Variants in SEC11C observed in about 807,000 individuals in gnomAD.
SEC11C encodes the protein SEC11 homolog C, signal peptidase complex subunit.
SEC11C carries 10 observed loss-of-function variants against 21.9 expected under a neutral mutation model. The ratio of observed to expected loss-of-function variants is 0.46; its 90% CI spans 0.28 to 0.77. The LOEUF is 0.77. SEC11C is among the 30% of genes least tolerant of loss of function. SEC11C has a pLI of 0.12. For missense variants in SEC11C, 145 were observed against 244.5 expected (o/e 0.59, Z 2.71); for synonymous variants, 83 against 85.6 (o/e 0.97, Z 0.17).
At chr18:59,152,864 T>C in intron 3 of SEC11C, 179 bp downstream of exon 3, 1 of 492,304 alleles carries the variant, frequency 2.0e-6, no homozygotes, top group East Asian at 3.2e-5. Flanking sequence ...GTTAAACCCA[T>C]AGTAACTCAC....
In SEC11C at chr18:59,158,777, A is replaced by G; in HGVS notation, c.*92A>G. 4 of 1,103,216 alleles carry G rather than the reference A, an allele frequency of 3.6e-6. No homozygotes were observed. In the South Asian group the frequency reaches 3.9e-5, roughly 11 times the overall value. 68.3% of individuals were successfully genotyped at this position (1,103,216 alleles called of 1,614,324 possible). ...TTGAGATGTTCCATTTTCTGTATAA[A>G]AGGGAACAGTGTGGAGATGTTTTTG... On this transcript the variant is annotated 3_prime_UTR_variant, in exon 6 of 6. Transcript: ENST00000587834.
At position 59,139,952 on chromosome 18, in the gene SEC11C, G is replaced by T. The variant is rs2069189309; in HGVS notation, c.4G>T (p.Val2Leu). Residue 2 changes from valine (V) to leucine (L), a missense_variant, in exon 1 of 6, where the codon GTG (valine) becomes TTG (leucine). Physicochemically the swap from Val to Leu is conservative, Grantham distance 32. Transcript: ENST00000587834. ...CTAGGTCCCCGGAGACCCTGCTATG[G>T]TGCGTGCGGGCGCCGTGGGGGCTCA... MVRAGAVGAHLP... is the reference protein window; with the variant it reads MLRAGAVGAHLP... 1 of 1,585,172 alleles carries T rather than the reference G, an allele frequency of 6.3e-7. No homozygotes were observed.
chr18:59,158,560 C>A lies in SEC11C; in HGVS notation c.526-72C>A, dbSNP rs369086980. The stretch of plus-strand genomic sequence containing the variant: ...CCTCAGCGCAGTATTTAACGGACTT[C>A]ATCTGAATACATTTACAGACCAAAT... On this transcript the variant is annotated intron_variant, in intron 5 of 5. Coordinates refer to ENST00000587834, the MANE Select transcript of SEC11C (RefSeq NM_033280.4). 4.6e-5 allele frequency: 55 copies of A among 1,189,582 alleles called. 1 individual carries two copies. The highest frequency in any genetic ancestry group is 3.8e-4 in the Middle Eastern group (2 of 5,270). 73.7% of individuals were successfully genotyped at this position (1,189,582 alleles called of 1,614,324 possible).
intron 1 of SEC11C, among the ~76,000 whole-genome samples, chr18:59,148,543 G>A (rs915099957): frequency 2.0e-5 from 3 of 152,168 alleles, no homozygotes; most frequent in African/African-American, 7.2e-5. Flanking sequence ...TAGATCGGGT[G>A]GGCTTTCACC....
chr18:59,152,891 T>G, intron 3 of SEC11C: 1 of 423,742 alleles, frequency 2.4e-6, no homozygotes, highest in Non-Finnish European at 4.2e-6. Context: ...ATTATGAGAA[T>G]TAAATGAACT....
rs949843594 is a variant in SEC11C at position 59,139,917 on chromosome 18, C to T, written c.-32C>T. 2.7e-6 allele frequency: 4 copies of T among 1,486,378 alleles called. No individual in the cohort carries two copies. The highest frequency in any genetic ancestry group is 1.3e-5 in the South Asian group (1 of 78,508). 92.1% of individuals were successfully genotyped at this position (1,486,378 alleles called of 1,614,324 possible). On this transcript the variant is annotated 5_prime_UTR_variant, in exon 1 of 6. Transcript: ENST00000587834. ...CGCAGCCGTCTGTGCCACCCAGAGC[C>T]GGCGGGCCGCTAGGTCCCCGGAGAC...
intron 1 of SEC11C, among the ~76,000 whole-genome samples, chr18:59,148,946 T>A (rs751884106): frequency 9.2e-5 from 14 of 152,244 alleles, no homozygotes; most frequent in Non-Finnish European, 1.6e-4. Context: ...TATTTGTTAT[T>A]TACCTTTTAA....
Position 59,155,789 on chromosome 18 carries a change from T to C in SEC11C, c.449T>C (p.Val150Ala). ...CAGAACTGGCTGGAAAAGAAGGACG[T>C]GGTGGGAAGAGCAAGAGGGTGAGGA... ...EGQNWLEKKDVVGRARGFLPY... is the reference protein window; with the variant it reads ...EGQNWLEKKDAVGRARGFLPY... The change falls in exon 4 of 6, where the codon GTG (valine) becomes GCG (alanine). Residue 150 changes from valine (V) to alanine (A), a missense_variant. Physicochemically the swap from Val to Ala is moderately conservative, Grantham distance 64. Transcript: ENST00000587834. 5 of 1,613,720 alleles carry C rather than the reference T, an allele frequency of 3.1e-6. No homozygotes were observed. Among genetic ancestry groups the C allele is most frequent in the Non-Finnish European group, 4.2e-6 (5 of 1,179,844 alleles).
At chr18:59,158,502 C>A in intron 5 of SEC11C, 130 bp from the exon 6 acceptor site, 1 of 723,736 alleles carries the variant, frequency 1.4e-6, no homozygotes, top group Non-Finnish European at 2.4e-6. Context: ...AGAGAACAAG[C>A]CATGGGGGGA....
chr18:59,143,845 C>T (rs1449412494), intron 1 of SEC11C, among the ~76,000 whole-genome samples: 1 of 101,546 alleles, frequency 9.8e-6, no homozygotes, highest in African/African-American at 4.1e-5. Context: ...GTGGAGTAAT[C>T]TGCCATTTTC....
intron 1 of SEC11C, among the ~76,000 whole-genome samples, chr18:59,146,162 T>G (rs533858140): frequency 9.9e-5 from 15 of 151,888 alleles, no homozygotes; most frequent in African/African-American, 3.6e-4. Flanking sequence ...ATGATGAGAG[T>G]GGCAGCAGTG....
At chr18:59,157,063 G>A (rs780153722) in intron 4 of SEC11C, 12 of 152,556 alleles carry the variant, frequency 7.9e-5, no homozygotes, top group African/African-American at 2.7e-4. Flanking sequence ...GAGCATAATC[G>A]TTGGCTGGTT....
At chr18:59,151,233 T>C (rs1301887598) in intron 2 of SEC11C, among the ~76,000 whole-genome samples, 3 of 152,202 alleles carry the variant, frequency 2.0e-5, no homozygotes, top group African/African-American at 4.8e-5. Context: ...GTTACTTTTC[T>C]ATCAACATCT....
At chr18:59,142,890 A>T (rs1335880590) in intron 1 of SEC11C, among the ~76,000 whole-genome samples, 2 of 152,166 alleles carry the variant, frequency 1.3e-5, no homozygotes, top group Non-Finnish European at 2.9e-5. Flanking sequence ...CTTAGAAATC[A>T]CCACTAAAGA....
chr18:59,142,482 C>A (rs371842667), intron 1 of SEC11C, among the ~76,000 whole-genome samples: 1 of 152,128 alleles, frequency 6.6e-6, no homozygotes, highest in Admixed American at 6.5e-5. Flanking sequence ...CATAATGAAA[C>A]AGCGGTTATT....
At chr18:59,156,506 TAG>T (rs1165066460) in intron 4 of SEC11C, 8 of 152,262 alleles carry the variant, frequency 5.3e-5, no homozygotes, top group Non-Finnish European at 1.0e-4. Flanking sequence ...GGTGGACACT[TAG>T]ATTATTTCCT....
intron 4 of SEC11C, 83 bp downstream of exon 4, chr18:59,155,890 G>A (rs1324008872): frequency 4.5e-5 from 67 of 1,476,778 alleles, no homozygotes; most frequent in Middle Eastern, 1.7e-4. Flanking sequence ...CTAATGAGTC[G>A]TTAATTACAA....
At chr18:59,140,344 G>C (rs1000872894) in intron 1 of SEC11C, among the ~76,000 whole-genome samples, 42 of 152,248 alleles carry the variant, frequency 2.8e-4, no homozygotes, top group African/African-American at 1.0e-3. Flanking sequence ...CTCGGTGAAC[G>C]ACAGCTCTCT....
In SEC11C at chr18:59,142,131, T is replaced by A. The variant is rs551377510; in HGVS notation, c.87+2096T>A. Among the ~76,000 whole-genome samples the A allele has an allele frequency of 2.0e-5, 3 of 152,198 alleles. No homozygotes were observed. In the South Asian group the frequency reaches 6.2e-4, roughly 32 times the overall value. On this transcript the variant is annotated intron_variant, in intron 1 of 5. Coordinates refer to ENST00000587834, the MANE Select transcript of SEC11C (RefSeq NM_033280.4). The stretch of plus-strand genomic sequence containing the variant: ...TACTTTTCTGGATTCCAGGATTTTA[T>A]GCCTAGAATCTGATTCGTAGGTTTC...
Sources: gnomAD v4.1 joint callset for allele counts (sites outside exome capture counted in the v4.1 genomes callset) on GRCh38, gnomAD v4.1.1 for gene constraint, MANE v1.5 for transcripts, NCBI Gene and HGNC (gene_info 2026-07-23, HGNC 2026-07-21) for gene names.